The following DCDC1 variants were observed in gnomAD, a reference collection of about 807,000 sequenced individuals.
DCDC1 encodes doublecortin domain-containing protein 1.
Under a neutral mutation model 178.3 loss-of-function variants are expected in DCDC1, and 200 were observed. The observed-to-expected ratio is 1.12, with a 90% CI of 1.00 to 1.26. The LOEUF is 1.26. Ranked by LOEUF, DCDC1 falls within the 50% of genes most tolerant of loss-of-function variation. The pLI, the probability that DCDC1 is intolerant of heterozygous loss-of-function variation, is 0.00. For synonymous variants in DCDC1, 690 were observed against 604.8 expected (o/e 1.14, Z -2.07); for missense variants, 1,983 against 1,749.2 (o/e 1.13, Z -2.38).
chr11:31,090,976 T>G (rs922553817), intron 17 of DCDC1, among the ~76,000 whole-genome samples: 1 of 152,220 alleles, frequency 6.6e-6, no homozygotes, highest in African/African-American at 2.4e-5. Flanking sequence ...TACAGTCCGT[T>G]ACAAGCCAGC....
At chr11:31,362,170 C>G (rs1192385352) in intron 1 of DCDC1, among the ~76,000 whole-genome samples, 1 of 152,012 alleles carries the variant, frequency 6.6e-6, no homozygotes, top group Non-Finnish European at 1.5e-5. Flanking sequence ...TTTTAAGATT[C>G]TAAATTTAAA....
At chr11:31,335,638 A>T (rs1268752833) in intron 1 of DCDC1, 74 bp from the exon 2 acceptor site, 1 of 152,242 alleles carries the variant, frequency 6.6e-6, no homozygotes, top group Non-Finnish European at 1.5e-5. Flanking sequence ...ATAAGAAATC[A>T]TGTCAAAGAA....
chr11:31,105,070 T>C (rs2135756466), intron 13 of DCDC1, among the ~76,000 whole-genome samples: 1 of 152,190 alleles, frequency 6.6e-6, no homozygotes, highest in South Asian at 2.1e-4. Flanking sequence ...TAACACGTAT[T>C]GCACATTTTC....
intron 9 of DCDC1, among the ~76,000 whole-genome samples, chr11:31,148,210 T>TAAAAA (rs55829692): frequency 9.6e-4 from 92 of 95,654 alleles, no homozygotes; most frequent in African/African-American, 3.5e-3. Context: ...TTTATTATTA[T>TAAAAA]AAAAAAAAAA....
chr11:31,207,787 T>G (rs1256881959), intron 9 of DCDC1, among the ~76,000 whole-genome samples: 1 of 152,174 alleles, frequency 6.6e-6, no homozygotes, highest in Non-Finnish European at 1.5e-5. Flanking sequence ...TCCCATTCCC[T>G]TCAACTTACT....
At chr11:31,366,190 C>T (rs1459625573) in intron 1 of DCDC1, among the ~76,000 whole-genome samples, 1 of 152,128 alleles carries the variant, frequency 6.6e-6, no homozygotes, top group African/African-American at 2.4e-5. Flanking sequence ...GGACTAAACA[C>T]ATATGTTCTG....
chr11:31,160,278 G>A (rs1040594833), intron 9 of DCDC1, among the ~76,000 whole-genome samples: 4 of 152,086 alleles, frequency 2.6e-5, no homozygotes, highest in Non-Finnish European at 5.9e-5. Context: ...TTTTTACTAT[G>A]ATACTCATCA....
rs867140659 is a variant in DCDC1, at chr11:30,884,032, C to A, written c.5083-2724G>T. On this transcript the variant is annotated intron_variant, in intron 36 of 38. Transcript: ENST00000684477. Reference sequence around the variant, plus strand: ...AAAAGAAAACCAAAGCATTCTTTCTCATTTTTTTTTTTTTTTGAGACAGGG... The same window carrying A: ...AAAAGAAAACCAAAGCATTCTTTCTAATTTTTTTTTTTTTTTGAGACAGGG... Among the ~76,000 whole-genome samples the A allele has an allele frequency of 3.2e-3, 153 of 47,898 alleles. 1 individual carries two copies. The highest frequency in any genetic ancestry group is 0.019 in the African/African-American group (137 of 7,266). 31.4% of individuals were successfully genotyped at this position (47,898 alleles called of 152,430 possible).
intron 1 of DCDC1, among the ~76,000 whole-genome samples, chr11:31,357,704 A>C (rs1472283612): frequency 6.6e-6 from 1 of 152,162 alleles, no homozygotes; most frequent in African/African-American, 2.4e-5. Context: ...GTCTCAGCCC[A>C]AAATCTCCTT....
At chr11:31,121,342 TTA>T (rs1317109243) in intron 11 of DCDC1, among the ~76,000 whole-genome samples, 1 of 150,724 alleles carries the variant, frequency 6.6e-6, no homozygotes, top group African/African-American at 2.4e-5. Flanking sequence ...TCAAATGGTG[TTA>T]TGTTTCCATT....
At chr11:31,207,065 C>T (rs992940861) in intron 9 of DCDC1, among the ~76,000 whole-genome samples, 1 of 152,146 alleles carries the variant, frequency 6.6e-6, no homozygotes, top group Non-Finnish European at 1.5e-5. Context: ...TTTATATCTA[C>T]TTTGGTGAAA....
At chr11:31,012,837 C>T (rs1222054556) in intron 20 of DCDC1, among the ~76,000 whole-genome samples, 3 of 151,910 alleles carry the variant, frequency 2.0e-5, no homozygotes, top group African/African-American at 7.3e-5. Context: ...TGAAAACATG[C>T]AAAACCATGC....
intron 20 of DCDC1, among the ~76,000 whole-genome samples, chr11:31,030,230 CT>C (rs1343337663): frequency 1.3e-5 from 2 of 151,934 alleles, no homozygotes; most frequent in Non-Finnish European, 2.9e-5. Flanking sequence ...CAATTACCTT[CT>C]TGCAATAAGC....
intron 9 of DCDC1, among the ~76,000 whole-genome samples, chr11:31,225,601 C>T (rs1022590424): frequency 6.7e-6 from 1 of 149,438 alleles, no homozygotes; most frequent in African/African-American, 2.5e-5. Flanking sequence ...CTAATATGTA[C>T]ATATACATAT....
intron 1 of DCDC1, among the ~76,000 whole-genome samples, chr11:31,351,865 C>T (rs1360721330): frequency 6.6e-6 from 1 of 152,064 alleles, no homozygotes; most frequent in Non-Finnish European, 1.5e-5. Context: ...TTCTCCACTC[C>T]CCTAATTTAA....
At chr11:31,215,950 G>A (rs1035825473) in intron 9 of DCDC1, among the ~76,000 whole-genome samples, 1 of 151,326 alleles carries the variant, frequency 6.6e-6, no homozygotes, top group African/African-American at 2.4e-5. Flanking sequence ...ATTTATGGCT[G>A]CCCATCTCAT....
chr11:31,035,639 T>A (rs1305561283), intron 20 of DCDC1, among the ~76,000 whole-genome samples: 2 of 152,238 alleles, frequency 1.3e-5, no homozygotes, highest in African/African-American at 4.8e-5. Context: ...GATCACTTGC[T>A]CTCTGCCATG....
chr11:30,871,331 G>A (rs1239269343), intron 38 of DCDC1, among the ~76,000 whole-genome samples: 1 of 152,076 alleles, frequency 6.6e-6, no homozygotes, highest in African/African-American at 2.4e-5. Context: ...GGTGGCCACT[G>A]GGACCCAGAC....
chr11:31,202,326 G>A (rs529216445), intron 9 of DCDC1, among the ~76,000 whole-genome samples: 14 of 152,186 alleles, frequency 9.2e-5, no homozygotes, highest in African/African-American at 3.1e-4. Flanking sequence ...ACTTTGGGAC[G>A]CCGAGGCGGG....
Sources: gnomAD v4.1 joint callset for allele counts (sites outside exome capture counted in the v4.1 genomes callset) on GRCh38, gnomAD v4.1.1 for gene constraint, MANE v1.5 for transcripts, NCBI Gene and HGNC (gene_info 2026-07-23, HGNC 2026-07-21) for gene names.